SIPA1L3: variants seen among roughly 807,000 people sequenced by gnomAD.
SIPA1L3 encodes signal-induced proliferation-associated 1-like protein 3.
Under a neutral mutation model 150.1 loss-of-function variants are expected in SIPA1L3, and 59 were observed. The observed-to-expected ratio is 0.39, with a 90% CI of 0.32 to 0.49. The LOEUF (loss-of-function observed/expected upper bound fraction) is 0.49. SIPA1L3 is among the 20% of genes least tolerant of loss of function. The probability of loss-of-function intolerance (pLI) is 0.86; values close to 1 mark genes in which losing one functional copy is unlikely to be tolerated. For synonymous variants in SIPA1L3, 1,070 were observed against 1,077.6 expected, an observed-to-expected ratio of 0.99 and a Z score of 0.14; for missense variants, 2,211 against 2,489.5, an observed-to-expected ratio of 0.89 and a Z score of 2.38.
intron 18 of SIPA1L3, among the ~76,000 whole-genome samples, chr19:38,195,212 G>A (rs1034395585): frequency 2.0e-5 from 3 of 152,086 alleles, no homozygotes; most frequent in Non-Finnish European, 4.4e-5. Flanking sequence ...CATCCTGCAC[G>A]GCTGTTCTCT....
chr19:38,157,554 A>C (rs1390864315), intron 13 of SIPA1L3, among the ~76,000 whole-genome samples: 1 of 152,072 alleles, frequency 6.6e-6, no homozygotes, highest in Non-Finnish European at 1.5e-5. Context: ...CCAGGTTGGG[A>C]GGGTTGCCTC....
chr19:38,119,733 G>A lies in SIPA1L3; in HGVS notation c.2719G>A (p.Val907Met). Reference sequence around the variant, plus strand: ...GCTCCTGGACTTACGCACCAAGGAGGTGGTGTTCAACTGCTACTGCGGGGA... The same window carrying A: ...GCTCCTGGACTTACGCACCAAGGAGATGGTGTTCAACTGCTACTGCGGGGA... Reference protein sequence around the residue: ...VVLLDLRTKEVVFNCYCGDVI... With the variant: ...VVLLDLRTKEMVFNCYCGDVI... The change falls in exon 9 of 22, where the codon GTG becomes ATG. Residue 907 changes from valine (V) to methionine (M), a missense_variant. Coordinates refer to ENST00000222345, the MANE Select transcript of SIPA1L3 (RefSeq NM_015073.3). 6.2e-7 allele frequency: 1 copy of A among 1,614,182 alleles called. No homozygotes were observed.
At chr19:38,182,850 A>G in intron 16 of SIPA1L3, 110 bp downstream of exon 16, 1 of 782,216 alleles carries the variant, frequency 1.3e-6, no homozygotes, top group East Asian at 2.7e-5. Context: ...ACTGTGGGCC[A>G]GTGTACCAGT....
intron 15 of SIPA1L3, among the ~76,000 whole-genome samples, chr19:38,166,525 C>A (rs1254360921): frequency 1.3e-5 from 2 of 152,064 alleles, no homozygotes; most frequent in South Asian, 4.2e-4. Context: ...CCCGACCACA[C>A]ACACTGACGT....
chr19:38,034,857 C>T (rs915409537), intron 2 of SIPA1L3, among the ~76,000 whole-genome samples: 2 of 152,200 alleles, frequency 1.3e-5, no homozygotes, highest in African/African-American at 4.8e-5. Context: ...CCTTTTCTTT[C>T]TCTGGAGGTC....
intron 1 of SIPA1L3, among the ~76,000 whole-genome samples, chr19:37,971,629 G>A (rs974033224): frequency 1.3e-5 from 2 of 151,812 alleles, no homozygotes; most frequent in Non-Finnish European, 2.9e-5. Context: ...ACAGTGGCGC[G>A]ATCTCGGCTC....
intron 1 of SIPA1L3, among the ~76,000 whole-genome samples, chr19:37,916,681 C>T (rs968434333): frequency 7.9e-5 from 12 of 151,838 alleles, no homozygotes; most frequent in African/African-American, 2.9e-4. Flanking sequence ...AACGTGGGGC[C>T]GAGCGCGGTG....
chr19:38,127,738 G>T (rs1971208787), intron 9 of SIPA1L3, among the ~76,000 whole-genome samples: 2 of 152,032 alleles, frequency 1.3e-5, no homozygotes, highest in African/African-American at 4.8e-5. Context: ...GGCTCAAGCA[G>T]TCCTCCTGCC....
chr19:37,909,453 C>A (rs1427293994), intron 1 of SIPA1L3, among the ~76,000 whole-genome samples: 1 of 152,104 alleles, frequency 6.6e-6, no homozygotes, highest in East Asian at 1.9e-4. Flanking sequence ...AGGTGATCTA[C>A]CCATTTTGGC....
intron 1 of SIPA1L3, among the ~76,000 whole-genome samples, chr19:37,985,564 T>C (rs980428853): frequency 1.3e-5 from 2 of 151,970 alleles, no homozygotes; most frequent in African/African-American, 4.8e-5. Flanking sequence ...GGGAGGGGTG[T>C]CTTAGAGGGA....
intron 1 of SIPA1L3, among the ~76,000 whole-genome samples, chr19:37,920,994 C>T (rs990136093): frequency 2.6e-5 from 4 of 152,220 alleles, no homozygotes; most frequent in African/African-American, 7.2e-5. Context: ...TCAGGACAGA[C>T]GTACACAGAT....
At chr19:38,151,312 C>T (rs1031549275) in intron 12 of SIPA1L3, among the ~76,000 whole-genome samples, 7 of 152,230 alleles carry the variant, frequency 4.6e-5, no homozygotes, top group Non-Finnish European at 8.8e-5. Flanking sequence ...TCAGCCCCTC[C>T]GCAGTTCCAC....
chr19:38,176,113 A>G (rs1600172630), intron 15 of SIPA1L3, among the ~76,000 whole-genome samples: 1 of 152,174 alleles, frequency 6.6e-6, no homozygotes, highest in East Asian at 1.9e-4. Context: ...AGGTTGAGGC[A>G]GGAGAATCAC....
intron 1 of SIPA1L3, among the ~76,000 whole-genome samples, chr19:37,995,056 C>G (rs1967602325): frequency 6.6e-6 from 1 of 152,164 alleles, no homozygotes; most frequent in African/African-American, 2.4e-5. Flanking sequence ...GCATCCTGAG[C>G]TAGGAGGAGA....
At chr19:37,959,807 A>T (rs889833605) in intron 1 of SIPA1L3, among the ~76,000 whole-genome samples, 27 of 144,938 alleles carry the variant, frequency 1.9e-4, no homozygotes, top group African/African-American at 7.1e-4. Flanking sequence ...GTTGGGTTTT[A>T]AAAAACTTTC....
chr19:37,951,893 CAAAAAA>C (rs5827992), intron 1 of SIPA1L3, among the ~76,000 whole-genome samples: 3 of 83,888 alleles, frequency 3.6e-5, no homozygotes, highest in African/African-American at 5.5e-5. Flanking sequence ...AAGACTGTCT[CAAAAAA>C]AAAAAAAAAA....
At chr19:38,158,066 C>A (rs570441818) in intron 13 of SIPA1L3, among the ~76,000 whole-genome samples, 113 of 152,192 alleles carry the variant, frequency 7.4e-4, no homozygotes, top group Non-Finnish European at 1.1e-3. Flanking sequence ...CATGGTGAAA[C>A]CCCATCTCTA....
chr19:38,068,418 C>T (rs1410791211), intron 2 of SIPA1L3, among the ~76,000 whole-genome samples: 2 of 152,162 alleles, frequency 1.3e-5, no homozygotes. Flanking sequence ...AGACAGTCAG[C>T]GTCATTCACG....
chr19:37,975,827 G>A (rs112246363), intron 1 of SIPA1L3, among the ~76,000 whole-genome samples: 1,751 of 152,074 alleles, frequency 0.012, 32 homozygotes, highest in African/African-American at 0.039. Flanking sequence ...GGGGTTGGCC[G>A]GGCGCAGTGG....
Sources: allele counts gnomAD v4.1 joint callset (sites outside exome capture counted in the v4.1 genomes callset), GRCh38; gene constraint gnomAD v4.1.1; transcripts MANE v1.5; gene names NCBI Gene and HGNC (gene_info 2026-07-23, HGNC 2026-07-21).